Variants in ADGRB3 observed in about 807,000 individuals in gnomAD.
The protein encoded by ADGRB3 is brain-specific angiogenesis inhibitor 3.
Under a neutral mutation model 193.4 loss-of-function variants are expected in ADGRB3, and 37 were observed. The ratio of observed to expected loss-of-function variants is 0.19; its 90% confidence interval spans 0.15 to 0.25. The LOEUF is 0.25. Ranked by LOEUF, ADGRB3 falls within the 10% of genes least tolerant of loss-of-function variation. The pLI, the probability that ADGRB3 is intolerant of heterozygous loss-of-function variation, is 1.00. For missense variants in ADGRB3, 1,637 were observed against 1,852.9 expected (o/e 0.88, Z 2.14); for synonymous variants, 690 against 644.2 (o/e 1.07, Z -1.08).
chr6:69,340,266 G>C (rs541677551), intron 26 of ADGRB3, among the ~76,000 whole-genome samples: 2 of 152,242 alleles, frequency 1.3e-5, no homozygotes, highest in South Asian at 4.1e-4. Context: ...TCAGACTTGA[G>C]TTGTTTAGAA....
At chr6:69,200,757 C>T (rs749973274) in intron 17 of ADGRB3, among the ~76,000 whole-genome samples, 10 of 152,076 alleles carry the variant, frequency 6.6e-5, no homozygotes, top group Non-Finnish European at 1.0e-4. Flanking sequence ...AACCAGAAAT[C>T]TACACGCAAG....
chr6:68,935,625 A>G (rs890217547), intron 4 of ADGRB3, among the ~76,000 whole-genome samples: 3 of 152,166 alleles, frequency 2.0e-5, no homozygotes, highest in Non-Finnish European at 2.9e-5. Flanking sequence ...AAACAACTGC[A>G]AATTTTCCAA....
intron 17 of ADGRB3, among the ~76,000 whole-genome samples, chr6:69,216,886 A>G (rs954612813): frequency 2.0e-5 from 3 of 152,202 alleles, no homozygotes; most frequent in Non-Finnish European, 4.4e-5. Context: ...AACTGCACGC[A>G]TTCAGGTTTG....
intron 17 of ADGRB3, among the ~76,000 whole-genome samples, chr6:69,173,883 A>C (rs1410972767): frequency 6.6e-6 from 1 of 152,232 alleles, no homozygotes. Context: ...GGGTAGGAAA[A>C]GGACAAAGCA....
At chr6:69,046,931 C>G (rs1349677691) in intron 13 of ADGRB3, among the ~76,000 whole-genome samples, 1 of 152,176 alleles carries the variant, frequency 6.6e-6, no homozygotes, top group Non-Finnish European at 1.5e-5. Flanking sequence ...GATCTCAGCT[C>G]ACTGCAAGCT....
At chr6:69,186,700 C>A (rs141137814) in intron 17 of ADGRB3, among the ~76,000 whole-genome samples, 1 of 152,186 alleles carries the variant, frequency 6.6e-6, no homozygotes, top group East Asian at 1.9e-4. Flanking sequence ...AAATCTGCTT[C>A]CTCAAATCTG....
chr6:69,089,962 T>C (rs1354345778), intron 17 of ADGRB3, among the ~76,000 whole-genome samples: 2 of 152,294 alleles, frequency 1.3e-5, no homozygotes. Context: ...AAAATTCAAA[T>C]TTTTGCCCCC....
intron 10 of ADGRB3, among the ~76,000 whole-genome samples, chr6:68,988,579 T>A (rs1384655045): frequency 6.6e-6 from 1 of 152,166 alleles, no homozygotes; most frequent in African/African-American, 2.4e-5. Context: ...GACTTATAGC[T>A]TCTCTCAAAA....
At chr6:69,308,907 G>A (rs1768120919) in intron 20 of ADGRB3, among the ~76,000 whole-genome samples, 1 of 151,622 alleles carries the variant, frequency 6.6e-6, no homozygotes, top group Non-Finnish European at 1.5e-5. Flanking sequence ...TTCATTGGCA[G>A]GAACTTAATC....
intron 24 of ADGRB3, among the ~76,000 whole-genome samples, chr6:69,335,295 A>C (rs1192737672): frequency 6.6e-6 from 1 of 152,174 alleles, no homozygotes; most frequent in African/African-American, 2.4e-5. Flanking sequence ...TTTAGAAATT[A>C]TCCATTCCAA....
chr6:69,216,458 A>G (rs1243525220), intron 17 of ADGRB3, among the ~76,000 whole-genome samples: 1 of 152,158 alleles, frequency 6.6e-6, no homozygotes. Flanking sequence ...TCCTGTTGCC[A>G]TCGGCCCAGG....
intron 20 of ADGRB3, among the ~76,000 whole-genome samples, chr6:69,316,840 C>G (rs1404614575): frequency 3.3e-5 from 5 of 151,328 alleles, no homozygotes. Flanking sequence ...CCAATGAGAA[C>G]CAGTGAAAAC....
chr6:68,728,432 G>A (rs898745156), intron 3 of ADGRB3, among the ~76,000 whole-genome samples: 3 of 150,858 alleles, frequency 2.0e-5, no homozygotes, highest in Admixed American at 6.6e-5. Context: ...TTGAAATAGC[G>A]AAGGAATCTC....
At chr6:68,743,131 A>G (rs1329171429) in intron 3 of ADGRB3, among the ~76,000 whole-genome samples, 1 of 152,018 alleles carries the variant, frequency 6.6e-6, no homozygotes, top group East Asian at 1.9e-4. Context: ...ATATTTAATT[A>G]TAGATTCTTT....
chr6:68,708,319 TTTC>T (rs1252697398), intron 3 of ADGRB3, among the ~76,000 whole-genome samples: 1 of 152,222 alleles, frequency 6.6e-6, no homozygotes, highest in Non-Finnish European at 1.5e-5. Context: ...TCCAGAACAT[TTTC>T]TTCTTTTGAT....
At chr6:69,296,464 T>C (rs953415765) in intron 20 of ADGRB3, among the ~76,000 whole-genome samples, 4 of 152,158 alleles carry the variant, frequency 2.6e-5, no homozygotes, top group East Asian at 3.9e-4. Context: ...AGTGTTAATA[T>C]GAATTGATGT....
intron 17 of ADGRB3, among the ~76,000 whole-genome samples, chr6:69,209,634 C>T (rs1050259517): frequency 3.3e-5 from 5 of 152,182 alleles, no homozygotes; most frequent in Non-Finnish European, 7.3e-5. Flanking sequence ...TTGATACACC[C>T]CTGAGGTAGG....
chr6:68,781,652 T>G (rs1404616933), intron 3 of ADGRB3, among the ~76,000 whole-genome samples: 2 of 151,868 alleles, frequency 1.3e-5, no homozygotes, highest in Non-Finnish European at 2.9e-5. Context: ...ATGATTACAA[T>G]TAGATAAAAT....
In ADGRB3 at chr6:68,783,994, G is replaced by A. The variant is rs561244670; in HGVS notation, c.757+144562G>A. Reference sequence around the variant, plus strand: ...AAATCAGTGTTCTTAATAAGAGACTGGAGATATTTGAGAGGAAGATTTTTC... The same window carrying A: ...AAATCAGTGTTCTTAATAAGAGACTAGAGATATTTGAGAGGAAGATTTTTC... On this transcript the variant is annotated intron_variant, in intron 3 of 31. Coordinates refer to ENST00000370598, the MANE Select transcript of ADGRB3 (RefSeq NM_001704.3). Among the ~76,000 whole-genome samples the A allele has an allele frequency of 7.9e-5, 12 of 152,132 alleles. No individual in the cohort carries two copies. The South Asian group carries it at 2.5e-3, about 31-fold the overall frequency.
Sources: gnomAD v4.1 joint callset for allele counts (sites outside exome capture counted in the v4.1 genomes callset) on GRCh38, gnomAD v4.1.1 for gene constraint, MANE v1.5 for transcripts, NCBI Gene and HGNC (gene_info 2026-07-23, HGNC 2026-07-21) for gene names.